The following CDK19 variants were observed in gnomAD, a reference collection of about 807,000 sequenced individuals.
CDK19 encodes the protein cyclin-dependent kinase 19.
A neutral mutation model predicts 68.3 loss-of-function variants in CDK19; 20 were observed. The ratio of observed to expected loss-of-function variants is 0.29; its 90% CI spans 0.21 to 0.43. The LOEUF (loss-of-function observed/expected upper bound fraction) is 0.43. CDK19 is among the 20% of genes least tolerant of loss of function. The pLI, the probability that CDK19 is intolerant of heterozygous loss-of-function variation, is 1.00. For missense variants in CDK19, 339 were observed against 623.5 expected, an observed-to-expected ratio of 0.54 and a Z score of 4.86; for synonymous variants, 221 against 222.8, an observed-to-expected ratio of 0.99 and a Z score of 0.07.
At chr6:110,775,745 AAG>A (rs1272848157) in intron 1 of CDK19, among the ~76,000 whole-genome samples, 6 of 152,392 alleles carry the variant, frequency 3.9e-5, no homozygotes, top group Admixed American at 3.9e-4. Context: ...TTAAATTTAA[AAG>A]AGAGAGGCAT....
intron 2 of CDK19, among the ~76,000 whole-genome samples, chr6:110,675,483 CG>C (rs1188543653): frequency 2.0e-5 from 3 of 151,866 alleles, no homozygotes; most frequent in Non-Finnish European, 4.4e-5. Context: ...CAAAACTAGC[CG>C]GGTGTGGTGG....
At chr6:110,694,482 C>A (rs1773309881) in intron 2 of CDK19, among the ~76,000 whole-genome samples, 1 of 152,064 alleles carries the variant, frequency 6.6e-6, no homozygotes. Flanking sequence ...AAGATATATG[C>A]ACCTAACACT....
chr6:110,756,049 A>G (rs1778816532), intron 1 of CDK19, among the ~76,000 whole-genome samples: 1 of 152,144 alleles, frequency 6.6e-6, no homozygotes, highest in African/African-American at 2.4e-5. Context: ...CACTGAGATC[A>G]GGAGTTCAAG....
At chr6:110,805,750 TA>T (rs1782636066) in intron 1 of CDK19, among the ~76,000 whole-genome samples, 1 of 152,200 alleles carries the variant, frequency 6.6e-6, no homozygotes, top group African/African-American at 2.4e-5. Context: ...TGTAGGACAC[TA>T]TATTTTATAT....
At chr6:110,688,266 G>C (rs74735001) in intron 2 of CDK19, among the ~76,000 whole-genome samples, 4,291 of 152,002 alleles carry the variant, frequency 0.028, 82 homozygotes, top group South Asian at 0.081. Flanking sequence ...CTGAACCTGG[G>C]AGCCGGAGTC....
At chr6:110,694,087 AAAAC>A (rs1459673239) in intron 2 of CDK19, among the ~76,000 whole-genome samples, 1 of 152,018 alleles carries the variant, frequency 6.6e-6, no homozygotes, top group Non-Finnish European at 1.5e-5. Flanking sequence ...AAAAAAAAAA[AAAAC>A]AAGGTGTTCA....
intron 1 of CDK19, among the ~76,000 whole-genome samples, chr6:110,800,399 T>C (rs572313997): frequency 5.9e-5 from 9 of 152,286 alleles, no homozygotes; most frequent in Admixed American, 5.9e-4. Context: ...GTACCAATCC[T>C]ACTGAAACTA....
At position 110,626,815 on chromosome 6, in the gene CDK19, G is replaced by A; in HGVS notation, c.821C>T (p.Pro274Leu). 1 of 1,580,740 alleles carries A rather than the reference G, an allele frequency of 6.3e-7. No homozygotes were observed. The highest frequency in any genetic ancestry group is 8.6e-7 in the Non-Finnish European group (1 of 1,158,304). ...DKDWEDIRKM[P>L]EYPTLQKDFR... is the part of the protein sequence containing the mutation. ...GTCTTTTTGAAGTGTGGGATATTCT[G>A]GCATCTTTCTAATATCTTCCCAGTC... Residue 274 changes from proline to leucine, a missense_variant, in exon 8 of 13, where the codon CCA becomes CTA. This residue lies in a region of CDK19 where 63 missense variants were observed against 156.5 expected (regional missense o/e 0.40). Coordinates refer to ENST00000368911, the MANE Select transcript of CDK19 (RefSeq NM_015076.5).
chr6:110,690,498 G>A (rs1245469766), intron 2 of CDK19, among the ~76,000 whole-genome samples: 1 of 152,140 alleles, frequency 6.6e-6, no homozygotes, highest in African/African-American at 2.4e-5. Context: ...ATTGGCTATT[G>A]CATTTACCCA....
chr6:110,643,040 C>T (rs1780308930), intron 4 of CDK19: 1 of 361,404 alleles, frequency 2.8e-6, no homozygotes, highest in Admixed American at 4.4e-5. Flanking sequence ...CAATAATGCA[C>T]TTCAGCAAGG....
intron 1 of CDK19, among the ~76,000 whole-genome samples, chr6:110,807,482 CA>C (rs1268270399): frequency 4.6e-5 from 7 of 152,122 alleles, no homozygotes; most frequent in African/African-American, 1.7e-4. Context: ...TTTATTGAAA[CA>C]GAGTCTCACT....
intron 12 of CDK19, among the ~76,000 whole-genome samples, chr6:110,619,140 G>C (rs906672826): frequency 9.9e-5 from 15 of 152,136 alleles, no homozygotes; most frequent in African/African-American, 3.4e-4. Flanking sequence ...TCATTTAATA[G>C]ATATGTTGGA....
chr6:110,621,072 A>G lies in CDK19; in HGVS notation c.1377+32T>C. 6.4e-7 allele frequency: 1 copy of G among 1,570,252 alleles called. No homozygotes were observed. Among genetic ancestry groups the G allele is most frequent in the African/African-American group, 1.4e-5 (1 of 73,824 alleles). The stretch of plus-strand genomic sequence containing the variant: ...GGATAAATCTTTTCCCCACTTCATA[A>G]AGCATATGAACATTAGACATTCAGG... On this transcript the variant is annotated intron_variant, in intron 12 of 12. Coordinates refer to ENST00000368911, the MANE Select transcript of CDK19 (RefSeq NM_015076.5). This position sits in a 1 kb window ranked among gnomAD's most constrained non-coding sequence, Gnocchi z 5.4.
In CDK19 at chr6:110,773,202, G is replaced by A. The variant is rs572699542; in HGVS notation, c.129-27001C>T. ...TCTAATAAAAATACAAAAATTAGCT[G>A]GGCGTGATGGTGCGTGTCTGTAGTT... is the stretch of plus-strand genomic sequence containing the variant. On this transcript the variant is annotated intron_variant, in intron 1 of 12. Transcript: ENST00000368911. Among the ~76,000 whole-genome samples the A allele has an allele frequency of 2.0e-5, 3 of 152,100 alleles. No homozygotes were observed. In the East Asian group the frequency reaches 5.8e-4, roughly 29 times the overall value.
rs1420065744 is a variant in CDK19, at chr6:110,792,682, T to C, written c.128+22327A>G. ...GCGACAGGCGAGGGATGGACATTCA[T>C]GGCGAATACTTTTTTATAACAATTC... is the stretch of plus-strand genomic sequence containing the variant. On this transcript the variant is annotated intron_variant, in intron 1 of 12. Transcript: ENST00000368911. 4.6e-5 allele frequency among the ~76,000 whole-genome samples: 7 copies of C among 152,370 alleles called. No homozygotes were observed. In the South Asian group the frequency reaches 6.2e-4, roughly 14 times the overall value.
intron 1 of CDK19, among the ~76,000 whole-genome samples, chr6:110,797,009 CAA>C (rs61247667): frequency 0.25 from 27,513 of 111,600 alleles, 2,696 homozygotes; most frequent in East Asian, 0.34. Flanking sequence ...AACTCCATCT[CAA>C]AAAAAAAAAA....
At chr6:110,813,040 T>G (rs1381636459) in intron 1 of CDK19, 3 of 144,534 alleles carry the variant, frequency 2.1e-5, no homozygotes, top group African/African-American at 7.7e-5. Context: ...TTTCAGATCC[T>G]GAGAGGTTTT....
intron 2 of CDK19, among the ~76,000 whole-genome samples, chr6:110,709,620 T>C (rs991732141): frequency 6.6e-6 from 1 of 152,102 alleles, no homozygotes; most frequent in Non-Finnish European, 1.5e-5. Context: ...TTCTACAGGA[T>C]CTTTAGTCAT....
intron 2 of CDK19, among the ~76,000 whole-genome samples, chr6:110,708,050 A>G (rs1308623920): frequency 6.6e-6 from 1 of 152,200 alleles, no homozygotes; most frequent in Non-Finnish European, 1.5e-5. Flanking sequence ...GCTATAATGA[A>G]TAGTGTGTAC....
Sources: gnomAD v4.1 joint callset for allele counts (sites outside exome capture counted in the v4.1 genomes callset) on GRCh38, gnomAD v4.1.1 for gene constraint, gnomAD v4.1.1 regional missense constraint, Gnocchi (gnomAD v3.1) non-coding constraint, MANE v1.5 for transcripts, NCBI Gene and HGNC (gene_info 2026-07-23, HGNC 2026-07-21) for gene names.